The following SNTB2 variants were observed in gnomAD, a reference collection of about 807,000 sequenced individuals.
SNTB2 encodes beta-2-syntrophin.
Under a neutral mutation model 46.2 loss-of-function variants are expected in SNTB2, and 34 were observed. The ratio of observed to expected loss-of-function variants is 0.74; its 90% CI spans 0.56 to 0.98. SNTB2 has a LOEUF of 0.98. Ranked by LOEUF, SNTB2 falls within the 50% of genes least tolerant of loss-of-function variation. The pLI is 0.00. For missense variants in SNTB2, 603 were observed against 731.4 expected, an observed-to-expected ratio of 0.82 and a Z score of 2.02; for synonymous variants, 290 against 312.6, an observed-to-expected ratio of 0.93 and a Z score of 0.76.
chr16:69,255,766 A>G (rs1964768753), intron 2 of SNTB2, among the ~76,000 whole-genome samples: 1 of 151,706 alleles, frequency 6.6e-6, no homozygotes, highest in Non-Finnish European at 1.5e-5. Context: ...CTGTAATCCC[A>G]GCTGGGGAGG....
chr16:69,275,577 G>A (rs1472322833), intron 4 of SNTB2, among the ~76,000 whole-genome samples: 2 of 152,192 alleles, frequency 1.3e-5, no homozygotes, highest in Non-Finnish European at 2.9e-5. Flanking sequence ...CGGGTAAAGG[G>A]TAACCCTGAG....
chr16:69,279,992 T>G (rs946115212), intron 4 of SNTB2, among the ~76,000 whole-genome samples: 29 of 152,248 alleles, frequency 1.9e-4, no homozygotes, highest in African/African-American at 6.7e-4. Context: ...GGTTTTCCTA[T>G]GCAGGGGACC....
At chr16:69,244,965 T>C (rs1964655175) in intron 1 of SNTB2, among the ~76,000 whole-genome samples, 2 of 152,154 alleles carry the variant, frequency 1.3e-5, no homozygotes, top group Non-Finnish European at 2.9e-5. Flanking sequence ...TAGCTTAGTA[T>C]GGGGAGGAGA....
At chr16:69,292,394 A>ATATAT (rs1965174879) in intron 5 of SNTB2, among the ~76,000 whole-genome samples, 1 of 28,086 alleles carries the variant, frequency 3.6e-5, no homozygotes, top group African/African-American at 3.7e-4. Flanking sequence ...TATATATTAT[A>ATATAT]TATATATATA....
Position 69,187,183 on chromosome 16 carries a change from C to T in SNTB2, c.17C>T (p.Ala6Val), listed in dbSNP as rs1166342227. Residue 6 changes from alanine (A) to valine (V), a missense_variant, in exon 1 of 7, where the codon GCG (alanine) becomes GTG (valine). Physicochemically the swap from Ala to Val is moderately conservative, Grantham distance 64. Coordinates refer to ENST00000336278, the MANE Select transcript of SNTB2 (RefSeq NM_006750.4). ...CTGACTGGAATGAGGGTAGCTGCGG[C>T]GACTGCGGCGGCTGGAGCGGGGCCG... is the stretch of plus-strand genomic sequence containing the variant. The part of the protein sequence containing the change: MRVAA[A>V]TAAAGAGPAM... 1 of 1,373,840 alleles carries T rather than the reference C, an allele frequency of 7.3e-7. No homozygotes were observed. Among genetic ancestry groups the T allele is most frequent in the Non-Finnish European group, 9.4e-7 (1 of 1,061,126 alleles). 85.1% of individuals were successfully genotyped at this position (1,373,840 alleles called of 1,614,324 possible). A position where few individuals can be genotyped will look rare whatever the true frequency, so the allele number is the denominator to read the frequency against.
chr16:69,262,374 T>G (rs927243820), intron 3 of SNTB2, among the ~76,000 whole-genome samples: 12 of 151,688 alleles, frequency 7.9e-5, no homozygotes, highest in Non-Finnish European at 1.2e-4. Context: ...GGCGCGATCT[T>G]GGCTCACTGC....
At chr16:69,211,349 T>G (rs1964284405) in intron 1 of SNTB2, among the ~76,000 whole-genome samples, 1 of 151,998 alleles carries the variant, frequency 6.6e-6, no homozygotes, top group Non-Finnish European at 1.5e-5. Flanking sequence ...CTAATACCAT[T>G]TAATAATTCT....
rs373488595 is a variant in SNTB2, at chr16:69,200,285, A to G, written c.580+12539A>G. 3.2e-4 allele frequency among the ~76,000 whole-genome samples: 49 copies of G among 152,330 alleles called. 1 individual carries two copies. The South Asian group carries it at 9.9e-3, about 31-fold the overall frequency. On this transcript the variant is annotated intron_variant, in intron 1 of 6. Transcript: ENST00000336278. ...TTTAGATATTAGGCGTATTTTGACA[A>G]AATGGGGAATCAATTTCTTTTACAG... is the stretch of plus-strand genomic sequence containing the variant.
chr16:69,276,892 A>C (rs575391959), intron 4 of SNTB2, among the ~76,000 whole-genome samples: 1 of 152,248 alleles, frequency 6.6e-6, no homozygotes, highest in South Asian at 2.1e-4. Context: ...TTAACTTCCA[A>C]ATGTCTCTGC....
chr16:69,202,685 C>T (rs754615645), intron 1 of SNTB2, among the ~76,000 whole-genome samples: 3 of 152,170 alleles, frequency 2.0e-5, no homozygotes, highest in East Asian at 1.9e-4. Context: ...AAGCAATTCT[C>T]GTGCTTCAGC....
At chr16:69,234,985 G>A (rs1479081386) in intron 1 of SNTB2, among the ~76,000 whole-genome samples, 1 of 152,144 alleles carries the variant, frequency 6.6e-6, no homozygotes, top group Non-Finnish European at 1.5e-5. Flanking sequence ...TTACAGGTGT[G>A]AGCCACTGCG....
intron 1 of SNTB2, among the ~76,000 whole-genome samples, chr16:69,207,154 CTTT>C (rs1555497921): frequency 4.7e-5 from 6 of 126,430 alleles, no homozygotes; most frequent in Non-Finnish European, 3.3e-5. Context: ...TTCTTTCTTT[CTTT>C]TTTTTTTTTT....
chr16:69,260,747 T>A (rs1964826842), intron 3 of SNTB2, among the ~76,000 whole-genome samples: 1 of 152,190 alleles, frequency 6.6e-6, no homozygotes, highest in South Asian at 2.1e-4. Context: ...GTGTCATAGT[T>A]TCCCAACCCT....
Position 69,187,535 on chromosome 16 carries a change from G to T in SNTB2, c.369G>T (p.Ala123=), listed in dbSNP as rs748543676. Residue 123 remains alanine (A), a synonymous_variant, in exon 1 of 7, where the codon GCG becomes GCT. Transcript: ENST00000336278. ...VRRVRVVKQE[A]GGLGISIKGG... Reference sequence around the variant, plus strand: ...GGGTGCGGGTGGTGAAGCAAGAGGCGGGCGGCCTGGGCATCAGCATCAAGG... The same window carrying T: ...GGGTGCGGGTGGTGAAGCAAGAGGCTGGCGGCCTGGGCATCAGCATCAAGG... 126 of 1,403,614 alleles carry T rather than the reference G, an allele frequency of 9.0e-5. No homozygotes were observed. The highest frequency in any genetic ancestry group is 1.1e-4 in the Non-Finnish European group (118 of 1,067,164). 86.9% of individuals were successfully genotyped at this position (1,403,614 alleles called of 1,614,324 possible).
At chr16:69,240,405 G>A (rs1341288932) in intron 1 of SNTB2, 2 of 152,156 alleles carry the variant, frequency 1.3e-5, no homozygotes, top group Non-Finnish European at 2.9e-5. Context: ...GAATGTAAAA[G>A]GCTTTTTACT....
chr16:69,204,112 C>T lies in SNTB2; in HGVS notation c.580+16366C>T, dbSNP rs570229435. Among the ~76,000 whole-genome samples the T allele has an allele frequency of 5.9e-5, 9 of 151,720 alleles. No homozygotes were observed. In the South Asian group the frequency reaches 8.3e-4, roughly 14 times the overall value. ...TTCACCATGTTGGCCAGGCTGGTCT[C>T]GAACTTCTGACCTCAAGCGATCCAC... is the stretch of plus-strand genomic sequence containing the variant. On this transcript the variant is annotated intron_variant, in intron 1 of 6. Transcript: ENST00000336278.
At chr16:69,218,351 G>A (rs1281537756) in intron 1 of SNTB2, among the ~76,000 whole-genome samples, 5 of 151,982 alleles carry the variant, frequency 3.3e-5, no homozygotes, top group African/African-American at 9.7e-5. Context: ...ATTAAATGTA[G>A]ATAGTTCTAA....
At chr16:69,208,000 T>C (rs1343956181) in intron 1 of SNTB2, among the ~76,000 whole-genome samples, 1 of 143,100 alleles carries the variant, frequency 7.0e-6, no homozygotes, top group Admixed American at 7.0e-5. Flanking sequence ...TCCCAGCTAC[T>C]TGGGAGGCTG....
chr16:69,275,931 A>G (rs999444644), intron 4 of SNTB2, among the ~76,000 whole-genome samples: 3 of 152,212 alleles, frequency 2.0e-5, no homozygotes, highest in Non-Finnish European at 4.4e-5. Context: ...ATGAGCTGCC[A>G]TTTATATTGG....
Sources: gnomAD v4.1 joint callset for allele counts (sites outside exome capture counted in the v4.1 genomes callset) on GRCh38, gnomAD v4.1.1 for gene constraint, MANE v1.5 for transcripts, NCBI Gene and HGNC (gene_info 2026-07-23, HGNC 2026-07-21) for gene names.